Variants in EFCAB14 observed in about 807,000 individuals in gnomAD.
EFCAB14 encodes EF-hand calcium binding domain 14.
EFCAB14 carries 43 observed loss-of-function variants against 56.5 expected under a neutral mutation model. The ratio of observed to expected loss-of-function variants is 0.76; its 90% CI spans 0.60 to 0.98. EFCAB14 has a LOEUF of 0.98. Among genes scored for constraint, EFCAB14 ranks in the 50% least tolerant of loss-of-function variants. The pLI is 0.00. For synonymous variants in EFCAB14, 235 were observed against 212.9 expected (o/e 1.10, Z -0.90); for missense variants, 538 against 580.3 (o/e 0.93, Z 0.75).
intron 2 of EFCAB14, among the ~76,000 whole-genome samples, chr1:46,713,783 T>C (rs1271386309): frequency 1.3e-5 from 2 of 152,198 alleles, no homozygotes; most frequent in African/African-American, 4.8e-5. Context: ...TACAGAGAGA[T>C]GACGGCACAG....
At position 46,707,759 on chromosome 1, in the gene EFCAB14, C is replaced by G. The variant is rs1323979089; in HGVS notation, c.480+147G>C. The G allele has an allele frequency of 7.4e-6, 5 of 673,120 alleles. No individual in the cohort carries two copies. In the African/African-American group the frequency reaches 9.3e-5, roughly 13 times the overall value. The allele number at this position is 673,120 out of a possible 1,614,324, so 41.7% of individuals were successfully genotyped here. ...AACTATTTTACCTGACTTTAACATG[C>G]TGGGATTACAGTATGCAAAACCCCA... On this transcript the variant is annotated intron_variant, in intron 3 of 10. Transcript: ENST00000371933.
At chr1:46,714,740 T>C (rs1287441963) in intron 2 of EFCAB14, among the ~76,000 whole-genome samples, 1 of 149,028 alleles carries the variant, frequency 6.7e-6, no homozygotes, top group Non-Finnish European at 1.5e-5. Flanking sequence ...AAGTCAAGGC[T>C]GCAACGAGCC....
At chr1:46,679,168 G>C (rs1246003734) in intron 10 of EFCAB14, among the ~76,000 whole-genome samples, 2 of 152,216 alleles carry the variant, frequency 1.3e-5, no homozygotes, top group Non-Finnish European at 1.5e-5. Context: ...GTGGAGACTG[G>C]AGGAATGACT....
In EFCAB14 at chr1:46,675,806, C is replaced by G. The variant is rs1016212732; in HGVS notation, c.*2655G>C. The stretch of plus-strand genomic sequence containing the variant: ...CTTTTTATATGCTACCTTTTTGCCT[C>G]TCTGATTTATGGGGAGGCTCTTTTA... On this transcript the variant is annotated 3_prime_UTR_variant, in exon 11 of 11. Transcript: ENST00000371933. The G allele has an allele frequency of 6.6e-6, 1 of 152,142 alleles. No individual in the cohort carries two copies. Among genetic ancestry groups the G allele is most frequent in the African/African-American group, 2.4e-5 (1 of 41,410 alleles). The allele number at this position is 152,142 out of a possible 1,614,324, so 9.4% of individuals were successfully genotyped here. A position where few individuals can be genotyped will look rare whatever the true frequency, so the allele number is the denominator to read the frequency against.
In EFCAB14 at chr1:46,696,603, T is replaced by G; in HGVS notation, c.527A>C (p.Lys176Thr). The G allele has an allele frequency of 6.2e-7, 1 of 1,613,746 alleles. No individual in the cohort carries two copies. The highest frequency in any genetic ancestry group is 2.2e-5 in the East Asian group (1 of 44,870). Residue 176 changes from lysine to threonine, a missense_variant, in exon 4 of 11, where the codon AAG (lysine) becomes ACG (threonine). Coordinates refer to ENST00000371933, the MANE Select transcript of EFCAB14 (RefSeq NM_014774.3). Reference protein sequence around the residue: ...SAVNHLKANVKSAADLISLPT... With the variant: ...SAVNHLKANVTSAADLISLPT... ...CAGGCTAATCAAGTCTGCAGCTGAC[T>G]TAACATTGGCTTTGAGGTGGTTCAC...
intron 10 of EFCAB14, chr1:46,682,288 T>C (rs577629197): frequency 2.0e-5 from 3 of 152,154 alleles, no homozygotes; most frequent in Non-Finnish European, 2.9e-5. Flanking sequence ...CCTGGTAGAA[T>C]GGTATCTAGG....
chr1:46,693,876 CAG>C (rs1677036415), intron 4 of EFCAB14, among the ~76,000 whole-genome samples: 1 of 152,062 alleles, frequency 6.6e-6, no homozygotes, highest in South Asian at 2.1e-4. Context: ...GGTACCAAAA[CAG>C]AGATATAGAC....
At position 46,684,549 on chromosome 1, in the gene EFCAB14, C is replaced by T; in HGVS notation, c.1128G>A (p.Leu376=). The T allele has an allele frequency of 6.2e-7, 1 of 1,614,072 alleles. No individual in the cohort carries two copies. Among genetic ancestry groups the T allele is most frequent in the Non-Finnish European group, 8.5e-7 (1 of 1,179,978 alleles). Reference sequence around the variant, plus strand: ...CAGGTTTGTTTGTAAGAGCACTGATCAGCTGGAGTTTCTCTCTTAGCTTGG... The same window carrying T: ...CAGGTTTGTTTGTAAGAGCACTGATTAGCTGGAGTTTCTCTCTTAGCTTGG... ...QVSKLREKLQ[L]ISALTNKPES... The change falls in exon 9 of 11, where the codon CTG becomes CTA. Residue 376 remains leucine (L), a synonymous_variant. Coordinates refer to ENST00000371933, the MANE Select transcript of EFCAB14 (RefSeq NM_014774.3).
chr1:46,700,911 T>C (rs961902006), intron 3 of EFCAB14, among the ~76,000 whole-genome samples: 6 of 150,908 alleles, frequency 4.0e-5, no homozygotes, highest in African/African-American at 1.2e-4. Flanking sequence ...AATAGAGAAC[T>C]AGGAGGATGA....
intron 4 of EFCAB14, among the ~76,000 whole-genome samples, chr1:46,694,026 T>G (rs537476256): frequency 6.6e-6 from 1 of 152,250 alleles, no homozygotes; most frequent in African/African-American, 2.4e-5. Flanking sequence ...GCTAGCCATA[T>G]GTAGAAAGCT....
At chr1:46,697,077 C>T (rs1305510145) in intron 3 of EFCAB14, among the ~76,000 whole-genome samples, 1 of 152,164 alleles carries the variant, frequency 6.6e-6, no homozygotes, top group South Asian at 2.1e-4. Context: ...TTTGTTCCTG[C>T]CCAAGTGGGA....
rs755292180 is a variant in EFCAB14, at chr1:46,716,439, C to T, written c.190G>A (p.Asp64Asn). The T allele has an allele frequency of 1.2e-6, 2 of 1,613,790 alleles. No homozygotes were observed. Among genetic ancestry groups the T allele is most frequent in the Non-Finnish European group, 1.7e-6 (2 of 1,179,954 alleles). ...VGNRSRFAKG[D>N]YLRCCKICYP... ...CAGATCTTGCAGCATCGTAAATAGT[C>T]TCCCCTGCTCAAGAGGACAAATTCA... The change falls in exon 2 of 11, where the codon GAC (aspartate) becomes AAC (asparagine). Residue 64 changes from aspartate to asparagine, a missense_variant. Transcript: ENST00000371933.
At chr1:46,695,016 G>A (rs1435914972) in intron 4 of EFCAB14, among the ~76,000 whole-genome samples, 1 of 148,702 alleles carries the variant, frequency 6.7e-6, no homozygotes, top group Non-Finnish European at 1.5e-5. Context: ...CTCATAGGTG[G>A]GAATTGAACA....
chr1:46,700,462 T>C (rs1677138611), intron 3 of EFCAB14, among the ~76,000 whole-genome samples: 1 of 152,178 alleles, frequency 6.6e-6, no homozygotes, highest in South Asian at 2.1e-4. Context: ...ATAAACTTCC[T>C]AAGAGAAGCA....
At chr1:46,695,223 A>G (rs1450711044) in intron 4 of EFCAB14, among the ~76,000 whole-genome samples, 1 of 152,172 alleles carries the variant, frequency 6.6e-6, no homozygotes, top group Non-Finnish European at 1.5e-5. Flanking sequence ...AGTGTAATAA[A>G]AAAAAGAATA....
chr1:46,696,713 C>T, intron 3 of EFCAB14, 64 bp from the exon 4 acceptor site: 6 of 1,470,566 alleles, frequency 4.1e-6, no homozygotes, highest in Non-Finnish European at 5.7e-6. Flanking sequence ...ACGTTACCTT[C>T]ACAAACTCTA....
chr1:46,693,796 A>C (rs1034062349), intron 4 of EFCAB14, among the ~76,000 whole-genome samples: 1 of 152,200 alleles, frequency 6.6e-6, no homozygotes, highest in Non-Finnish European at 1.5e-5. Context: ...AGTGCCTGGT[A>C]CATACTGGAG....
chr1:46,687,644 T>A (rs1483522492), intron 7 of EFCAB14, among the ~76,000 whole-genome samples: 1 of 152,206 alleles, frequency 6.6e-6, no homozygotes, highest in Non-Finnish European at 1.5e-5. Context: ...ATATGAAATC[T>A]TTAAGGGTGG....
intron 2 of EFCAB14, among the ~76,000 whole-genome samples, chr1:46,715,904 G>C (rs1677381539): frequency 6.6e-6 from 1 of 152,022 alleles, no homozygotes; most frequent in Admixed American, 6.5e-5. Context: ...CGTTCAGCAG[G>C]GTTGACTTTG....
Sources: gnomAD v4.1 joint callset for allele counts (sites outside exome capture counted in the v4.1 genomes callset) on GRCh38, gnomAD v4.1.1 for gene constraint, MANE v1.5 for transcripts, NCBI Gene and HGNC (gene_info 2026-07-23, HGNC 2026-07-21) for gene names.